The following SH3RF3 variants were observed in gnomAD, a reference collection of about 807,000 sequenced individuals.
The protein encoded by SH3RF3 is SH3 domain containing ring finger 3, also known as E3 ubiquitin-protein ligase SH3RF3.
SH3RF3 carries 29 observed loss-of-function variants against 66.3 expected under a neutral mutation model. The ratio of observed to expected loss-of-function variants is 0.44; its 90% CI spans 0.33 to 0.60. The LOEUF is 0.60. SH3RF3 is among the 20% of genes least tolerant of loss of function. SH3RF3 has a pLI of 0.04. For synonymous variants in SH3RF3, 583 were observed against 532.0 expected (o/e 1.10, Z -1.32); for missense variants, 1,194 against 1,190.9 (o/e 1.00, Z -0.04).
At chr2:109,288,364 A>C (rs1681087181) in intron 1 of SH3RF3, among the ~76,000 whole-genome samples, 1 of 152,200 alleles carries the variant, frequency 6.6e-6, no homozygotes, top group East Asian at 1.9e-4. Flanking sequence ...GAACAGGAAC[A>C]CTCAGAGGTA....
chr2:109,468,923 G>A (rs373644080), intron 8 of SH3RF3, among the ~76,000 whole-genome samples: 4 of 149,758 alleles, frequency 2.7e-5, no homozygotes, highest in Admixed American at 2.0e-4. Flanking sequence ...AACCCTCTAC[G>A]GCTTTGATAC....
chr2:109,207,831 T>A (rs1219970007), intron 1 of SH3RF3, among the ~76,000 whole-genome samples: 2 of 152,210 alleles, frequency 1.3e-5, no homozygotes, highest in Non-Finnish European at 2.9e-5. Context: ...TTAAAAAAAA[T>A]TAAACTATAC....
chr2:109,436,778 C>G, intron 6 of SH3RF3, 115 bp from the exon 7 acceptor site: 1 of 1,441,378 alleles, frequency 6.9e-7, no homozygotes, highest in East Asian at 2.5e-5. Flanking sequence ...GTCCCCAGAT[C>G]AGTTGGCCTT....
At chr2:109,484,153 G>A (rs1257755947) in intron 8 of SH3RF3, among the ~76,000 whole-genome samples, 1 of 148,954 alleles carries the variant, frequency 6.7e-6, no homozygotes, top group Non-Finnish European at 1.5e-5. Context: ...TGCAACCTCT[G>A]CCTTCTGGGT....
At chr2:109,401,155 G>T (rs1383705690) in intron 4 of SH3RF3, among the ~76,000 whole-genome samples, 5 of 152,280 alleles carry the variant, frequency 3.3e-5, no homozygotes, top group East Asian at 3.9e-4. Context: ...TGCTAAGACT[G>T]GGGGGAGCTC....
chr2:109,381,568 C>T (rs959959273), intron 3 of SH3RF3, among the ~76,000 whole-genome samples: 2 of 152,020 alleles, frequency 1.3e-5, no homozygotes, highest in Non-Finnish European at 2.9e-5. Context: ...CCCGGGCTTC[C>T]ATGTTCTTGT....
intron 4 of SH3RF3, among the ~76,000 whole-genome samples, chr2:109,408,161 G>A (rs1336862553): frequency 6.6e-6 from 1 of 152,110 alleles, no homozygotes; most frequent in Non-Finnish European, 1.5e-5. Context: ...GATCCACAGA[G>A]GGTTGTTCAT....
chr2:109,174,575 C>G (rs1023185258), intron 1 of SH3RF3, among the ~76,000 whole-genome samples: 2 of 152,194 alleles, frequency 1.3e-5, no homozygotes, highest in East Asian at 3.8e-4. Flanking sequence ...CTGGAATTCC[C>G]TCCATTGTGG....
chr2:109,213,781 TGGTGTGGTGTGATAG>T (rs1336960387), intron 1 of SH3RF3, among the ~76,000 whole-genome samples: 2 of 152,008 alleles, frequency 1.3e-5, no homozygotes, highest in Non-Finnish European at 2.9e-5. Flanking sequence ...GGTCTCACTG[TGGTGTGGTGTGATAG>T]GGTGTGGTGT....
At chr2:109,346,495 C>A (rs1316065464) in intron 1 of SH3RF3, among the ~76,000 whole-genome samples, 1 of 152,076 alleles carries the variant, frequency 6.6e-6, no homozygotes. Context: ...GGTATTGACA[C>A]CCGAACAATG....
intron 1 of SH3RF3, among the ~76,000 whole-genome samples, chr2:109,175,683 G>T: frequency 6.6e-6 from 1 of 152,120 alleles, no homozygotes; most frequent in Admixed American, 6.5e-5. Flanking sequence ...CACATTTTGG[G>T]TTACCTCAAC....
intron 4 of SH3RF3, among the ~76,000 whole-genome samples, chr2:109,409,533 G>T (rs1676532841): frequency 6.6e-6 from 1 of 152,144 alleles, no homozygotes; most frequent in Non-Finnish European, 1.5e-5. Flanking sequence ...GGGGCAGGTG[G>T]CTTGTGGGCA....
intron 1 of SH3RF3, among the ~76,000 whole-genome samples, chr2:109,179,003 A>AGTGTGTGTGTG (rs1553480769): frequency 1.4e-5 from 2 of 142,066 alleles, no homozygotes; most frequent in African/African-American, 2.6e-5. Context: ...AAGTATAATA[A>AGTGTGTGTGTG]TGTGTGTGTG....
At chr2:109,438,780 G>T (rs1231914977) in intron 7 of SH3RF3, among the ~76,000 whole-genome samples, 3 of 152,320 alleles carry the variant, frequency 2.0e-5, no homozygotes, top group Admixed American at 6.5e-5. Context: ...GTGATCTGAA[G>T]TTGTGCTCCC....
At chr2:109,480,070 C>G (rs1054933464) in intron 8 of SH3RF3, among the ~76,000 whole-genome samples, 4 of 152,216 alleles carry the variant, frequency 2.6e-5, no homozygotes, top group East Asian at 1.9e-4. Flanking sequence ...GGAAAGGACC[C>G]CATCCTGGCA....
intron 3 of SH3RF3, among the ~76,000 whole-genome samples, chr2:109,398,007 C>A (rs1034408857): frequency 2.0e-5 from 3 of 152,332 alleles, no homozygotes; most frequent in African/African-American, 7.2e-5. Flanking sequence ...TATGCTCAGG[C>A]CAGCTTCTGG....
chr2:109,130,000 G>A lies in SH3RF3; in HGVS notation c.460G>A (p.Gly154Ser). The A allele has an allele frequency of 3.1e-6, 4 of 1,296,056 alleles. No individual in the cohort carries two copies. The highest frequency in any genetic ancestry group is 2.9e-6 in the Non-Finnish European group (3 of 1,026,730). The allele number at this position is 1,296,056 out of a possible 1,614,324, so 80.3% of individuals were successfully genotyped here. Residue 154 changes from glycine to serine, a missense_variant, in exon 1 of 10, where the codon GGC becomes AGC. Physicochemically the swap from Gly to Ser is moderately conservative, Grantham distance 56 (BLOSUM62 0). Coordinates refer to ENST00000309415, the MANE Select transcript of SH3RF3 (RefSeq NM_001099289.3). ...GGCCCCCACGCTCGCGGGCGGCGGG[G>A]GCGGCGCGGCAGGCAGCACCCCGGG... ...SAAPTLAGGG[G>S]GAAGSTPGSP... is the part of the protein sequence containing the mutation.
At chr2:109,433,377 A>G (rs1369118540) in intron 6 of SH3RF3, among the ~76,000 whole-genome samples, 1 of 152,212 alleles carries the variant, frequency 6.6e-6, no homozygotes, top group East Asian at 1.9e-4. Flanking sequence ...TACTACTTTT[A>G]TCAAATAGAA....
chr2:109,439,738 G>A (rs1677508401), intron 7 of SH3RF3, among the ~76,000 whole-genome samples: 2 of 152,018 alleles, frequency 1.3e-5, no homozygotes, highest in Non-Finnish European at 2.9e-5. Context: ...CAGCAAAAAA[G>A]CACCGAGAAG....
Sources: gnomAD v4.1 joint callset for allele counts (sites outside exome capture counted in the v4.1 genomes callset) on GRCh38, gnomAD v4.1.1 for gene constraint, MANE v1.5 for transcripts, NCBI Gene and HGNC (gene_info 2026-07-23, HGNC 2026-07-21) for gene names.